Variants in ENO4 observed in about 807,000 individuals in gnomAD.
The protein encoded by ENO4 is 2-phospho-D-glycerate hydro-lyase.
ENO4 carries 53 observed loss-of-function variants against 63.2 expected under a neutral mutation model. The ratio of observed to expected loss-of-function variants is 0.84; its 90% CI spans 0.67 to 1.05. The LOEUF (loss-of-function observed/expected upper bound fraction) is 1.05, where lower values mean the gene tolerates loss of function less well. ENO4 is among the 50% of genes least tolerant of loss of function. The pLI is 0.00. For missense variants in ENO4, 719 were observed against 772.0 expected, an observed-to-expected ratio of 0.93 and a Z score of 0.81; for synonymous variants, 266 against 283.8, an observed-to-expected ratio of 0.94 and a Z score of 0.63.
intron 10 of ENO4, among the ~76,000 whole-genome samples, chr10:116,904,289 A>G (rs1847873483): frequency 6.6e-6 from 1 of 152,260 alleles, no homozygotes; most frequent in Non-Finnish European, 1.5e-5. Context: ...CCCCCCTGGA[A>G]TTTTCACATT....
At chr10:116,852,548 T>G (rs957612461) in intron 1 of ENO4, among the ~76,000 whole-genome samples, 1 of 152,208 alleles carries the variant, frequency 6.6e-6, no homozygotes, top group Admixed American at 6.5e-5. Flanking sequence ...CCTCCCACAC[T>G]GACTCTGGAA....
chr10:116,885,136 C>A (rs532655539), downstream of ENO4: 1 of 152,626 alleles, frequency 6.6e-6, no homozygotes, highest in Non-Finnish European at 1.5e-5. Context: ...CAATACAATA[C>A]AACTACTGCA....
downstream of ENO4, chr10:116,886,238 A>G: frequency 6.9e-7 from 1 of 1,457,586 alleles, no homozygotes; most frequent in Non-Finnish European, 9.2e-7. Flanking sequence ...TGTATTCTGA[A>G]TACAGTGACC....
chr10:116,874,792 C>T (rs1478606975), intron 10 of ENO4, among the ~76,000 whole-genome samples: 2 of 152,274 alleles, frequency 1.3e-5, no homozygotes, highest in South Asian at 4.2e-4. Context: ...CCTGCCTCAG[C>T]CTCCCAAGTA....
rs999900672 is a variant in ENO4, at chr10:116,907,678, G to A, written c.1195-3821G>A. Among the ~76,000 whole-genome samples the A allele has an allele frequency of 9.9e-5, 15 of 152,254 alleles. No individual in the cohort carries two copies. In the East Asian group the frequency reaches 2.5e-3, roughly 25 times the overall value. On this transcript the variant is annotated intron_variant, in intron 10 of 10. Transcript: ENST00000369207. ...GAGATGCCCATTATTTCTTAGAAAC[G>A]GTCCTTCTCAACTGTGCCACATACT...
chr10:116,855,520 A>G (rs1474483326), intron 1 of ENO4, 103 bp from the exon 2 acceptor site: 1 of 1,410,450 alleles, frequency 7.1e-7, no homozygotes, highest in Admixed American at 2.0e-5. Flanking sequence ...ACTAGAGTCA[A>G]TGTGAATGAC....
At chr10:116,868,282 T>G (rs537059031) in intron 7 of ENO4, among the ~76,000 whole-genome samples, 2 of 152,360 alleles carry the variant, frequency 1.3e-5, no homozygotes, top group East Asian at 3.9e-4. Context: ...GAGGGGACTT[T>G]GTATCCTCCT....
chr10:116,856,586 C>T lies in ENO4; in HGVS notation c.389C>T (p.Ala130Val), dbSNP rs200907862. 2.7e-5 allele frequency: 42 copies of T among 1,536,148 alleles called. No homozygotes were observed. Among genetic ancestry groups the T allele is most frequent in the East Asian group, 7.3e-5 (3 of 40,908 alleles). Reference protein sequence around the residue: ...AKAEEAERASAVSTAVQWVNS... With the variant: ...AKAEEAERASVVSTAVQWVNS... ...GCGGAGGAGGCAGAGAGGGCCAGCG[C>T]GGTGAGCACCGCCGTGCAGTGGGTC... is the stretch of plus-strand genomic sequence containing the variant. Residue 130 changes from alanine (A) to valine (V), a missense_variant, in exon 3 of 14, where the codon GCG becomes GTG. By Grantham distance (64) the Ala-to-Val change is moderately conservative. Around this residue, in one of 3 missense-constraint regions of ENO4, gnomAD observed 544 missense variants for 583.6 expected, o/e 0.93. Transcript: ENST00000341276.
At chr10:116,900,457 G>T in intron 10 of ENO4, 1 of 1,262,158 alleles carries the variant, frequency 7.9e-7, no homozygotes, top group Non-Finnish European at 1.1e-6. Flanking sequence ...TTCCTTTCTT[G>T]GAAATGTAAT....
intron 9 of ENO4, among the ~76,000 whole-genome samples, chr10:116,872,539 T>C (rs1306069116): frequency 6.6e-6 from 1 of 152,198 alleles, no homozygotes; most frequent in Non-Finnish European, 1.5e-5. Context: ...GACATGATTT[T>C]GCTCTTCCTT....
In ENO4 at chr10:116,879,935, T is replaced by C; in HGVS notation, c.1672T>C (p.Tyr558His). Residue 558 changes from tyrosine to histidine, a missense_variant, in exon 13 of 14, where the codon TAC (tyrosine) becomes CAC (histidine). By Grantham distance (83) the Tyr-to-His change is moderately conservative. Transcript: ENST00000341276. Reference sequence around the variant, plus strand: ...TTCCCGTGGTGAACGAGTGACTAAATACAACCGCCTTCTCACTATAGAGGA... The same window carrying C: ...TTCCCGTGGTGAACGAGTGACTAAACACAACCGCCTTCTCACTATAGAGGA... Reference protein sequence around the residue: ...GLSRGERVTKYNRLLTIEEEL... With the variant: ...GLSRGERVTKHNRLLTIEEEL... The C allele has an allele frequency of 4.5e-6, 7 of 1,550,882 alleles. No homozygotes were observed. The highest frequency in any genetic ancestry group is 6.1e-6 in the Non-Finnish European group (7 of 1,147,052).
chr10:116,900,577 C>T (rs1240516124), intron 10 of ENO4: 5 of 1,532,972 alleles, frequency 3.3e-6, no homozygotes, highest in Middle Eastern at 1.7e-4. Context: ...TCTATACACA[C>T]ACACTGAAGC....
chr10:116,868,694 C>G lies in ENO4; in HGVS notation c.1035C>G (p.Ser345Arg), dbSNP rs970060687. Residue 345 changes from serine (S) to arginine (R), a missense_variant, in exon 8 of 14, where the codon AGC becomes AGG. Transcript: ENST00000341276. ...AGACAAAAAAAGGGCACGATGGAAG[C>G]AAAAGAGGTCAAGTAAGTCTATATA... ...KAETKKGHDG[S>R]KRGQQQITGK... The G allele has an allele frequency of 1.9e-6, 3 of 1,550,148 alleles. No individual in the cohort carries two copies. The Admixed American group carries it at 5.9e-5, about 30-fold the overall frequency.
In ENO4 at chr10:116,859,022, A is replaced by C; in HGVS notation, c.518A>C (p.Lys173Thr). The C allele has an allele frequency of 6.5e-7, 1 of 1,535,748 alleles. No individual in the cohort carries two copies. Among genetic ancestry groups the C allele is most frequent in the Non-Finnish European group, 8.7e-7 (1 of 1,146,656 alleles). ...TTCGCAAGTAAAGTACAAGAAGATA[A>C]GGGGAGAAAAGAATTGGAAAAGAGC... ...IFFASKVQED[K>T]GRKELEKSLE... The change falls in exon 4 of 14, where the codon AAG (lysine) becomes ACG (threonine). Residue 173 changes from lysine (K) to threonine (T), a missense_variant. Physicochemically the swap from Lys to Thr is moderately conservative, Grantham distance 78. Around this residue, in one of 3 missense-constraint regions of ENO4, gnomAD observed 544 missense variants for 583.6 expected, o/e 0.93. Coordinates refer to ENST00000341276, the MANE Select transcript of ENO4 (RefSeq NM_001242699.2).
At chr10:116,850,022 C>T (rs954297376) in intron 1 of ENO4, 17 of 557,500 alleles carry the variant, frequency 3.0e-5, no homozygotes, top group Middle Eastern at 2.7e-4. Context: ...TCCTCGCTGC[C>T]TAAGAGGCCT....
chr10:116,871,033 C>G (rs1236510449), intron 8 of ENO4, 92 bp from the exon 9 acceptor site: 1 of 1,103,936 alleles, frequency 9.1e-7, no homozygotes, highest in Admixed American at 2.1e-5. Context: ...CTTTGCAGAG[C>G]TATATCTGAT....
At chr10:116,860,580 A>G (rs1334186756) in intron 4 of ENO4, among the ~76,000 whole-genome samples, 1 of 152,222 alleles carries the variant, frequency 6.6e-6, no homozygotes, top group Non-Finnish European at 1.5e-5. Flanking sequence ...AGGAATTAAT[A>G]TTAAATGGCC....
chr10:116,855,494 G>A (rs1846236273), intron 1 of ENO4, 129 bp from the exon 2 acceptor site: 4 of 1,158,508 alleles, frequency 3.5e-6, no homozygotes, highest in Non-Finnish European at 4.9e-6. Flanking sequence ...AATACTCGCG[G>A]AGAGGTTTGG....
intron 10 of ENO4, among the ~76,000 whole-genome samples, chr10:116,906,259 C>T (rs1322206965): frequency 6.6e-6 from 1 of 152,194 alleles, no homozygotes; most frequent in Non-Finnish European, 1.5e-5. Flanking sequence ...TGCTTAAGGG[C>T]AACCAGCTGG....
Sources: allele counts gnomAD v4.1 joint callset (sites outside exome capture counted in the v4.1 genomes callset), GRCh38; gene constraint gnomAD v4.1.1; regional missense constraint gnomAD v4.1.1; transcripts MANE v1.5; gene names NCBI Gene and HGNC (gene_info 2026-07-23, HGNC 2026-07-21).